Variants in GALNT16 observed in about 807,000 individuals in gnomAD.
GALNT16 encodes polypeptide N-acetylgalactosaminyltransferase 16, also known as UDP-GalNAc:polypeptide N-acetylgalactosaminyltransferase-like protein 1.
GALNT16 carries 40 observed loss-of-function variants against 76.1 expected under a neutral mutation model. The ratio of observed to expected loss-of-function variants is 0.53; its 90% CI spans 0.41 to 0.68. The LOEUF (loss-of-function observed/expected upper bound fraction) is 0.68. Ranked by LOEUF, GALNT16 falls within the 30% of genes least tolerant of loss-of-function variation. The probability of loss-of-function intolerance (pLI) is 0.00; values close to 1 mark genes in which losing one functional copy is unlikely to be tolerated. For missense variants in GALNT16, 621 were observed against 731.9 expected (o/e 0.85, Z 1.75); for synonymous variants, 276 against 285.2 (o/e 0.97, Z 0.32).
Position 69,321,069 on chromosome 14 carries a change from T to A in GALNT16, c.335+201T>A, listed in dbSNP as rs190766013. ...GCCCTGCCAAGACCAAGGAAACCGC[T>A]CCGCTGGGGCCAAGGAGGCCCCAAG... On this transcript the variant is annotated intron_variant, in intron 2 of 14. Transcript: ENST00000448469. 2.8e-4 allele frequency among the ~76,000 whole-genome samples: 43 copies of A among 152,332 alleles called. No individual in the cohort carries two copies. In the East Asian group the frequency reaches 7.9e-3, roughly 28 times the overall value.
chr14:69,316,854 G>A (rs566763772), intron 1 of GALNT16, among the ~76,000 whole-genome samples: 1 of 152,084 alleles, frequency 6.6e-6, no homozygotes, highest in South Asian at 2.1e-4. Flanking sequence ...TTGATTATAG[G>A]TCCTTTGAGA....
intron 1 of GALNT16, among the ~76,000 whole-genome samples, chr14:69,283,748 T>C (rs554225753): frequency 6.6e-6 from 1 of 152,350 alleles, no homozygotes; most frequent in African/African-American, 2.4e-5. Flanking sequence ...AGTGGTGCTG[T>C]TAGAATGGTG....
At chr14:69,307,924 CTTGTGCT>C (rs1170804737) in intron 1 of GALNT16, among the ~76,000 whole-genome samples, 1 of 151,996 alleles carries the variant, frequency 6.6e-6, no homozygotes, top group Admixed American at 6.6e-5. Flanking sequence ...AACTGTTAGG[CTTGTGCT>C]TTGGGGAGAA....
At chr14:69,357,793 A>G (rs1392103113), downstream of GALNT16, 4 of 152,278 alleles carry the variant, frequency 2.6e-5, no homozygotes, top group Non-Finnish European at 5.9e-5. Flanking sequence ...GTAGACCTGT[A>G]TGCTCCTGGG....
chr14:69,386,204 G>C, the GALNT16 span, among the ~76,000 whole-genome samples: 1 of 152,214 alleles, frequency 6.6e-6, no homozygotes, highest in African/African-American at 2.4e-5. Flanking sequence ...AGACAGCATG[G>C]TGCAGCCACA....
chr14:69,347,235 G>C (rs1270248597), intron 13 of GALNT16, 54 bp downstream of exon 13: 7 of 1,497,416 alleles, frequency 4.7e-6, no homozygotes, highest in Non-Finnish European at 6.3e-6. Context: ...CATTGTCCAG[G>C]AGTGGGGTGA....
At chr14:69,320,986 G>A (rs2045172608) in intron 2 of GALNT16, 118 bp downstream of exon 2, 3 of 1,070,308 alleles carry the variant, frequency 2.8e-6, no homozygotes, top group East Asian at 2.6e-5. Flanking sequence ...ACTGTGTCCA[G>A]TGATTTAGAC....
rs370409632 is a variant in GALNT16 at position 69,319,310 on chromosome 14, T to A, written c.178-1401T>A. 3.2e-4 allele frequency among the ~76,000 whole-genome samples: 48 copies of A among 152,272 alleles called. 1 individual carries two copies. The South Asian group carries it at 9.9e-3, about 32-fold the overall frequency. On this transcript the variant is annotated intron_variant, in intron 1 of 14. Coordinates refer to ENST00000448469, the MANE Select transcript of GALNT16 (RefSeq NM_001168368.2). ...CGGGGGCTAGGCTCTCAGGGGAACA[T>A]AGAGGCCCTGAGCTGCTGGTGACAG... is the stretch of plus-strand genomic sequence containing the variant.
downstream of GALNT16, among the ~76,000 whole-genome samples, chr14:69,361,971 C>T (rs1191493806): frequency 6.6e-6 from 1 of 152,224 alleles, no homozygotes. Context: ...CACGCCACTG[C>T]ACTCCAGCCT....
chr14:69,365,598 G>A, the GALNT16 span, among the ~76,000 whole-genome samples: 12 of 152,140 alleles, frequency 7.9e-5, no homozygotes, highest in Admixed American at 3.9e-4. Context: ...CATTGGTGGG[G>A]AACAACACAC....
At chr14:69,341,211 G>A (rs1317046612) in intron 11 of GALNT16, among the ~76,000 whole-genome samples, 1 of 152,202 alleles carries the variant, frequency 6.6e-6, no homozygotes, top group Non-Finnish European at 1.5e-5. Context: ...CCATTGTGGT[G>A]GGTGTACCTG....
chr14:69,313,097 G>A (rs943348183), intron 1 of GALNT16, among the ~76,000 whole-genome samples: 2 of 152,208 alleles, frequency 1.3e-5, no homozygotes, highest in African/African-American at 2.4e-5. Context: ...ATAAGCCCTT[G>A]GCATAGCACC....
chr14:69,378,742 A>G, the GALNT16 span, among the ~76,000 whole-genome samples: 1 of 152,202 alleles, frequency 6.6e-6, no homozygotes, highest in Non-Finnish European at 1.5e-5. Context: ...AAATGGTACT[A>G]TATCTGAGAA....
chr14:69,345,938 C>T (rs1453403585), intron 12 of GALNT16, among the ~76,000 whole-genome samples: 1 of 152,094 alleles, frequency 6.6e-6, no homozygotes, highest in Non-Finnish European at 1.5e-5. Context: ...CCTAGACTGA[C>T]ATGCAGTGGT....
intron 1 of GALNT16, among the ~76,000 whole-genome samples, chr14:69,288,080 C>T (rs1011864734): frequency 1.3e-5 from 2 of 152,224 alleles, no homozygotes; most frequent in Non-Finnish European, 2.9e-5. Flanking sequence ...CTGCCTAGCT[C>T]AATTCTTTGT....
chr14:69,343,266 G>A lies in GALNT16; in HGVS notation c.1271+1502G>A, dbSNP rs2045518657. Among the ~76,000 whole-genome samples, 4 of 152,236 alleles carry A rather than the reference G, an allele frequency of 2.6e-5. No homozygotes were observed. The South Asian group carries it at 8.3e-4, about 32-fold the overall frequency. On this transcript the variant is annotated intron_variant, in intron 12 of 14. Transcript: ENST00000448469. ...TCAGAGCTTGCATATCCTTGAAAGA[G>A]GCAAATCTTTGTCCTTTGAGGACAG...
chr14:69,310,227 A>T (rs2044997503), intron 1 of GALNT16, among the ~76,000 whole-genome samples: 1 of 152,116 alleles, frequency 6.6e-6, no homozygotes, highest in Non-Finnish European at 1.5e-5. Context: ...CTATAGATAT[A>T]GGATACTATT....
intron 1 of GALNT16, among the ~76,000 whole-genome samples, chr14:69,308,701 A>C (rs1404208138): frequency 1.3e-5 from 2 of 152,234 alleles, no homozygotes; most frequent in Admixed American, 1.3e-4. Flanking sequence ...AACCAGGACA[A>C]GTGCTCATTC....
At chr14:69,379,272 G>A in the GALNT16 span, among the ~76,000 whole-genome samples, 1 of 152,156 alleles carries the variant, frequency 6.6e-6, no homozygotes, top group Admixed American at 6.5e-5. Context: ...TGGTTTCACA[G>A]TGAAACATTA....
Sources: gnomAD v4.1 joint callset for allele counts (sites outside exome capture counted in the v4.1 genomes callset) on GRCh38, gnomAD v4.1.1 for gene constraint, MANE v1.5 for transcripts, NCBI Gene and HGNC (gene_info 2026-07-23, HGNC 2026-07-21) for gene names.